Variants in LONRF2 observed in about 807,000 individuals in gnomAD.
LONRF2 encodes the protein LON peptidase N-terminal domain and RING finger protein 2.
In LONRF2, 35 loss-of-function variants were observed where a neutral mutation model predicts 66.6. The observed-to-expected ratio is 0.53, with a 90% CI of 0.40 to 0.70. The LOEUF (loss-of-function observed/expected upper bound fraction) is 0.70. LONRF2 is among the 30% of genes least tolerant of loss of function. The probability of loss-of-function intolerance (pLI) is 0.00; values close to 1 mark genes in which losing one functional copy is unlikely to be tolerated. For missense variants in LONRF2, 902 were observed against 1,002.1 expected (o/e 0.90, Z 1.35); for synonymous variants, 417 against 418.1 (o/e 1.00, Z 0.03).
chr2:100,299,192 T>A, intron 6 of LONRF2, 34 bp downstream of exon 6: 1 of 1,475,650 alleles, frequency 6.8e-7, no homozygotes, highest in African/African-American at 1.4e-5. Context: ...GGCTGCAGTT[T>A]TAAAAGAGTT....
intron 1 of LONRF2, among the ~76,000 whole-genome samples, chr2:100,318,696 T>C (rs1217455636): frequency 2.0e-5 from 3 of 151,622 alleles, no homozygotes; most frequent in Non-Finnish European, 2.9e-5. Context: ...CGAGGCATGG[T>C]GGTGCATGCC....
At chr2:100,309,024 G>T in intron 2 of LONRF2, 83 bp downstream of exon 2, 1 of 917,984 alleles carries the variant, frequency 1.1e-6, no homozygotes, top group South Asian at 1.8e-5. Context: ...ATAGGTACCT[G>T]ATCACAATAA....
At chr2:100,286,836 A>T in intron 11 of LONRF2, 78 bp downstream of exon 11, 1 of 1,506,642 alleles carries the variant, frequency 6.6e-7, no homozygotes, top group Non-Finnish European at 9.0e-7. Flanking sequence ...TCATACTGCC[A>T]AGCTCTCCAC....
In LONRF2 at chr2:100,273,334, G is replaced by A. The variant is rs1674535229; in HGVS notation, c.*10964C>T. 1.3e-5 allele frequency: 2 copies of A among 152,304 alleles called. No homozygotes were observed. The highest frequency in any genetic ancestry group is 2.4e-5 in the African/African-American group (1 of 41,560). The allele number at this position is 152,304 out of a possible 1,614,324, so 9.4% of individuals were successfully genotyped here. A position where few individuals can be genotyped will look rare whatever the true frequency, so the allele number is the denominator to read the frequency against. On this transcript the variant is annotated 3_prime_UTR_variant, in exon 12 of 12. Transcript: ENST00000393437. ...TTATTGTGAAAAGCCGTCAGTCTGT[G>A]GTGATGTGTTAGTACATCCCTACGA...
In LONRF2 at chr2:100,284,028, G is replaced by A. The variant is rs868112469; in HGVS notation, c.*270C>T. 4.7e-5 allele frequency: 16 copies of A among 343,334 alleles called. No homozygotes were observed. The highest frequency in any genetic ancestry group is 2.7e-4 in the Admixed American group (6 of 22,058). The allele number at this position is 343,334 out of a possible 1,614,324, so 21.3% of individuals were successfully genotyped here. On this transcript the variant is annotated 3_prime_UTR_variant, in exon 12 of 12. Coordinates refer to ENST00000393437, the MANE Select transcript of LONRF2 (RefSeq NM_198461.4). ...CAGGGTCCTGTGCTGTCAGTGAACT[G>A]CATTCCCCAAGCACCTGCTTCTAAG...
At chr2:100,311,865 G>A (rs138289506) in intron 1 of LONRF2, among the ~76,000 whole-genome samples, 4 of 152,196 alleles carry the variant, frequency 2.6e-5, no homozygotes, top group East Asian at 1.9e-4. Flanking sequence ...GTCTAGTACC[G>A]AATTATCCTT....
intron 1 of LONRF2, among the ~76,000 whole-genome samples, chr2:100,314,125 A>G (rs1675460071): frequency 6.6e-6 from 1 of 152,054 alleles, no homozygotes; most frequent in Non-Finnish European, 1.5e-5. Flanking sequence ...TATATACTCA[A>G]AAGTAGAAAT....
chr2:100,275,965 T>G lies in LONRF2; in HGVS notation c.*8333A>C, dbSNP rs1488688337. ...ATATATACACATGCAGATAGGCTAT[T>G]TTAACGCAAATATATAATAAATTGT... On this transcript the variant is annotated 3_prime_UTR_variant, in exon 12 of 12. Coordinates refer to ENST00000393437, the MANE Select transcript of LONRF2 (RefSeq NM_198461.4). The G allele has an allele frequency of 6.6e-6, 1 of 152,202 alleles. No individual in the cohort carries two copies. The highest frequency in any genetic ancestry group is 2.4e-5 in the African/African-American group (1 of 41,442). The allele number at this position is 152,202 out of a possible 1,614,324, so 9.4% of individuals were successfully genotyped here.
chr2:100,289,696 A>G (rs1424506971), intron 10 of LONRF2, among the ~76,000 whole-genome samples: 1 of 152,168 alleles, frequency 6.6e-6, no homozygotes, highest in Non-Finnish European at 1.5e-5. Context: ...TTGGCCTCCC[A>G]AAGTGCTGGG....
chr2:100,300,712 T>TAA lies in LONRF2; in HGVS notation c.996_997insTT (p.Lys333LeufsTer9). 1 of 1,613,910 alleles carries TAA rather than the reference T, an allele frequency of 6.2e-7. No homozygotes were observed. The highest frequency in any genetic ancestry group is 2.2e-5 in the East Asian group (1 of 44,870). On this transcript the variant is annotated frameshift_variant, in exon 4 of 12. Transcript: ENST00000393437. LOFTEE classifies it high-confidence loss of function. ...TTCATGTGGCTGTGACCCTGAGCCT[T>TAA]TAATCTGCTTTGGATGGAAGATGTT...
Position 100,321,933 on chromosome 2 carries a change from G to T in LONRF2, c.161C>A (p.Ala54Glu). ...CAGGCACAGGCCGCGGTCCGGCTGCGCCAGCCCGGCTAGCATGGAGCGAAA... is the reference window on the plus strand; with the variant it reads ...CAGGCACAGGCCGCGGTCCGGCTGCTCCAGCCCGGCTAGCATGGAGCGAAA... ...ELFRSMLAGL[A>E]QPDRGLCLRL... is the part of the protein sequence containing the mutation. Residue 54 changes from alanine to glutamate, a missense_variant, in exon 1 of 12, where the codon GCG becomes GAG. Transcript: ENST00000393437. 1.4e-6 allele frequency: 2 copies of T among 1,399,824 alleles called. No individual in the cohort carries two copies. Among genetic ancestry groups the T allele is most frequent in the East Asian group, 3.0e-5 (1 of 33,368 alleles). 86.7% of individuals were successfully genotyped at this position (1,399,824 alleles called of 1,614,324 possible).
Position 100,322,059 on chromosome 2 carries a change from G to A in LONRF2, c.35C>T (p.Pro12Leu). ...SPEPVPPPPP[P>L]QCPGCDRAEP... ...CGCGCGGTCGCAGCCAGGACACTGG[G>A]GCGGCGGCGGCGGCGGGACCGGCTC... Residue 12 changes from proline to leucine, a missense_variant, in exon 1 of 12, where the codon CCC becomes CTC. Pro to Leu is a moderately conservative substitution (Grantham distance 98). Coordinates refer to ENST00000393437, the MANE Select transcript of LONRF2 (RefSeq NM_198461.4). The A allele has an allele frequency of 2.4e-6, 3 of 1,252,332 alleles. No individual in the cohort carries two copies. The highest frequency in any genetic ancestry group is 3.0e-6 in the Non-Finnish European group (3 of 991,356). 77.6% of individuals were successfully genotyped at this position (1,252,332 alleles called of 1,614,324 possible). A position where few individuals can be genotyped will look rare whatever the true frequency, so the allele number is the denominator to read the frequency against.
chr2:100,307,111 G>C (rs200246104), intron 2 of LONRF2, among the ~76,000 whole-genome samples: 2 of 151,930 alleles, frequency 1.3e-5, no homozygotes, highest in African/African-American at 4.8e-5. Context: ...TAGTAGACAC[G>C]GGGTGTCACC....
At chr2:100,319,156 C>T (rs1478466688) in intron 1 of LONRF2, among the ~76,000 whole-genome samples, 1 of 148,886 alleles carries the variant, frequency 6.7e-6, no homozygotes, top group Non-Finnish European at 1.5e-5. Context: ...TGGATCTAAA[C>T]ACAGGTATTT....
intron 1 of LONRF2, among the ~76,000 whole-genome samples, chr2:100,316,807 C>T (rs943778721): frequency 2.0e-5 from 3 of 152,154 alleles, no homozygotes; most frequent in African/African-American, 7.2e-5. Context: ...AATTATTTCC[C>T]CTTTTGCTTT....
intron 3 of LONRF2, 141 bp from the exon 4 acceptor site, chr2:100,300,928 T>C (rs1675173890): frequency 4.6e-6 from 3 of 654,710 alleles, no homozygotes; most frequent in Non-Finnish European, 7.0e-6. Context: ...TGCCAACCTT[T>C]TAAAATCCAA....
intron 4 of LONRF2, among the ~76,000 whole-genome samples, chr2:100,300,178 C>T (rs940182079): frequency 6.6e-6 from 1 of 151,420 alleles, no homozygotes; most frequent in African/African-American, 2.4e-5. Flanking sequence ...TATCTATCTA[C>T]ACACACACAC....
At chr2:100,287,351 C>T (rs10210325) in intron 10 of LONRF2, among the ~76,000 whole-genome samples, 85 of 152,216 alleles carry the variant, frequency 5.6e-4, no homozygotes, top group African/African-American at 2.0e-3. Context: ...GAGATACATG[C>T]CAATTTACTT....
At chr2:100,319,084 T>TTCACTTC (rs962424662) in intron 1 of LONRF2, among the ~76,000 whole-genome samples, 1 of 146,066 alleles carries the variant, frequency 6.8e-6, no homozygotes, top group Non-Finnish European at 1.5e-5. Flanking sequence ...GCCACGCCAC[T>TTCACTTC]ACACTTCAGC....
Sources: allele counts gnomAD v4.1 joint callset (sites outside exome capture counted in the v4.1 genomes callset), GRCh38; gene constraint gnomAD v4.1.1; transcripts MANE v1.5; gene names NCBI Gene and HGNC (gene_info 2026-07-23, HGNC 2026-07-21).